PDE3A: variants seen among roughly 807,000 people sequenced by gnomAD.
PDE3A encodes the protein cGMP-inhibited 3',5'-cyclic phosphodiesterase 3A.
A neutral mutation model predicts 98.3 loss-of-function variants in PDE3A; 43 were observed. The observed-to-expected ratio is 0.44, with a 90% confidence interval of 0.34 to 0.56. PDE3A has a LOEUF of 0.56. Among genes scored for constraint, PDE3A ranks in the 20% least tolerant of loss-of-function variants. The pLI is 0.01. For missense variants in PDE3A, 1,427 were observed against 1,440.7 expected (o/e 0.99, Z 0.15); for synonymous variants, 663 against 567.9 (o/e 1.17, Z -2.38).
intron 1 of PDE3A, among the ~76,000 whole-genome samples, chr12:20,392,381 A>G (rs1943932885): frequency 6.6e-6 from 1 of 151,700 alleles, no homozygotes; most frequent in Non-Finnish European, 1.5e-5. Flanking sequence ...GTAGGTCTAA[A>G]ATGTACCTGG....
At chr12:20,407,607 A>G (rs1008837906) in intron 1 of PDE3A, among the ~76,000 whole-genome samples, 4 of 152,284 alleles carry the variant, frequency 2.6e-5, no homozygotes, top group African/African-American at 9.6e-5. Flanking sequence ...ATTGGATTAG[A>G]TGGGGTAGAT....
chr12:20,552,072 T>C lies in PDE3A; in HGVS notation c.961-4588T>C. Reference sequence around the variant, plus strand: ...GGAATTTTTTCACATACACGGGTAGTGGTGGTCGAGAGCTTTCCGGCAACA... The same window carrying C: ...GGAATTTTTTCACATACACGGGTAGCGGTGGTCGAGAGCTTTCCGGCAACA... On this transcript the variant is annotated intron_variant, in intron 1 of 15. Transcript: ENST00000359062. The surrounding 1 kb of genome is among the most constrained non-coding windows in gnomAD (Gnocchi z 5.1). 6.2e-7 allele frequency: 1 copy of C among 1,612,474 alleles called. No individual in the cohort carries two copies. The highest frequency in any genetic ancestry group is 8.5e-7 in the Non-Finnish European group (1 of 1,179,858).
intron 1 of PDE3A, among the ~76,000 whole-genome samples, chr12:20,537,446 T>C (rs1242460360): frequency 1.3e-5 from 2 of 152,134 alleles, no homozygotes; most frequent in Admixed American, 6.6e-5. Context: ...GGCTAGATTT[T>C]AAGGTTGATA....
At chr12:20,584,032 G>T (rs938877150) in intron 2 of PDE3A, among the ~76,000 whole-genome samples, 1 of 152,106 alleles carries the variant, frequency 6.6e-6, no homozygotes, top group Non-Finnish European at 1.5e-5. Context: ...AGTTCTAGAC[G>T]CACCTACTGT....
Position 20,682,194 on chromosome 12 carries a change from T to G in PDE3A, c.*1923T>G, listed in dbSNP as rs1945805315. On this transcript the variant is annotated 3_prime_UTR_variant, in exon 16 of 16. Transcript: ENST00000359062. ...AAAAACTGTTAACCAATACCATATT[T>G]TATAGTTGGTGTCCATTTCTTTCCA... 1 of 152,208 alleles carries G rather than the reference T, an allele frequency of 6.6e-6. No individual in the cohort carries two copies. Among genetic ancestry groups the G allele is most frequent in the Non-Finnish European group, 1.5e-5 (1 of 68,030 alleles). 9.4% of individuals were successfully genotyped at this position (152,208 alleles called of 1,614,324 possible).
chr12:20,663,838 G>T (rs1256751441), intron 15 of PDE3A, among the ~76,000 whole-genome samples: 1 of 152,136 alleles, frequency 6.6e-6, no homozygotes, highest in Non-Finnish European at 1.5e-5. Flanking sequence ...AGGCAAGATT[G>T]TGTTTTGAAA....
At chr12:20,383,268 AAAC>A (rs1943693676) in intron 1 of PDE3A, among the ~76,000 whole-genome samples, 1 of 104,252 alleles carries the variant, frequency 9.6e-6, no homozygotes, top group African/African-American at 3.9e-5. Context: ...TTGTCTTGAA[AAAC>A]AAAATTATTT....
chr12:20,393,165 TA>T (rs1215405762), intron 1 of PDE3A, among the ~76,000 whole-genome samples: 1 of 151,952 alleles, frequency 6.6e-6, no homozygotes, highest in Non-Finnish European at 1.5e-5. Flanking sequence ...ACGCTGCCTA[TA>T]AAGACATACC....
chr12:20,449,410 C>T (rs1013337249), intron 1 of PDE3A, among the ~76,000 whole-genome samples: 9 of 152,100 alleles, frequency 5.9e-5, no homozygotes, highest in Non-Finnish European at 1.2e-4. Flanking sequence ...CAGACATTGT[C>T]ATTTATTTTT....
At chr12:20,381,115 C>T (rs1292818988) in intron 1 of PDE3A, among the ~76,000 whole-genome samples, 2 of 151,548 alleles carry the variant, frequency 1.3e-5, no homozygotes, top group Non-Finnish European at 2.9e-5. Flanking sequence ...ACTTAAATAA[C>T]AATTAGATTT....
chr12:20,402,552 G>A (rs554264486), intron 1 of PDE3A, among the ~76,000 whole-genome samples: 7 of 152,004 alleles, frequency 4.6e-5, no homozygotes, highest in South Asian at 4.2e-4. Flanking sequence ...TTCATCTTAC[G>A]GTGGGCCCTA....
At chr12:20,397,303 A>T (rs945528196) in intron 1 of PDE3A, among the ~76,000 whole-genome samples, 8 of 151,978 alleles carry the variant, frequency 5.3e-5, no homozygotes, top group Non-Finnish European at 8.8e-5. Flanking sequence ...ATAGTTAAAA[A>T]TTTTTGTGCA....
chr12:20,529,617 T>A (rs527871644), intron 1 of PDE3A, among the ~76,000 whole-genome samples: 3 of 151,958 alleles, frequency 2.0e-5, no homozygotes, highest in Non-Finnish European at 4.4e-5. Context: ...ATGATGCATC[T>A]ACAAGCCAAG....
chr12:20,587,166 G>A (rs1943218226), intron 2 of PDE3A, among the ~76,000 whole-genome samples: 1 of 152,082 alleles, frequency 6.6e-6, no homozygotes, highest in Non-Finnish European at 1.5e-5. Flanking sequence ...TCAGGAGTTC[G>A]AGACCAGCCT....
chr12:20,426,406 C>T lies in PDE3A; in HGVS notation c.960+56162C>T, dbSNP rs1024465598. ...AAAAAACCCTGAAGAATTCCTTAGGCATTATAAATAGAAATAAGAGTGTCC... is the reference window on the plus strand; with the variant it reads ...AAAAAACCCTGAAGAATTCCTTAGGTATTATAAATAGAAATAAGAGTGTCC... On this transcript the variant is annotated intron_variant, in intron 1 of 15. Transcript: ENST00000359062. Among the ~76,000 whole-genome samples, 49 of 152,112 alleles carry T rather than the reference C, an allele frequency of 3.2e-4. 2 individuals carry two copies. Among genetic ancestry groups the T allele is most frequent in the Non-Finnish European group, 4.4e-5 (3 of 68,018 alleles).
At chr12:20,488,598 C>T (rs548872580) in intron 1 of PDE3A, among the ~76,000 whole-genome samples, 4 of 152,060 alleles carry the variant, frequency 2.6e-5, no homozygotes, top group South Asian at 4.2e-4. Flanking sequence ...TATGGGAGGC[C>T]GAGGGGGAAG....
At chr12:20,500,256 G>A (rs2121079317) in intron 1 of PDE3A, among the ~76,000 whole-genome samples, 1 of 152,296 alleles carries the variant, frequency 6.6e-6, no homozygotes, top group East Asian at 1.9e-4. Flanking sequence ...AGAGAACTCA[G>A]ATACCGTATT....
At chr12:20,628,758 G>A (rs1944318670) in intron 5 of PDE3A, among the ~76,000 whole-genome samples, 2 of 152,120 alleles carry the variant, frequency 1.3e-5, no homozygotes. Flanking sequence ...AGAAATAACA[G>A]CGCCAACAAG....
chr12:20,552,094 A>T lies in PDE3A; in HGVS notation c.961-4566A>T. The T allele has an allele frequency of 1.2e-6, 2 of 1,612,904 alleles. No individual in the cohort carries two copies. Among genetic ancestry groups the T allele is most frequent in the Non-Finnish European group, 1.7e-6 (2 of 1,179,890 alleles). Reference sequence around the variant, plus strand: ...TAGTGGTGGTCGAGAGCTTTCCGGCAACAAGAGGACCGCGGAACAGTCTTG... The same window carrying T: ...TAGTGGTGGTCGAGAGCTTTCCGGCTACAAGAGGACCGCGGAACAGTCTTG... On this transcript the variant is annotated intron_variant, in intron 1 of 15. Transcript: ENST00000359062. The surrounding 1 kb of genome is among the most constrained non-coding windows in gnomAD (Gnocchi z 5.1).
Sources: gnomAD v4.1 joint callset for allele counts (sites outside exome capture counted in the v4.1 genomes callset) on GRCh38, gnomAD v4.1.1 for gene constraint, Gnocchi (gnomAD v3.1) non-coding constraint, MANE v1.5 for transcripts, NCBI Gene and HGNC (gene_info 2026-07-23, HGNC 2026-07-21) for gene names.